Variants in NOSTRIN observed in about 807,000 individuals in gnomAD.
NOSTRIN encodes BM247 homolog.
In NOSTRIN, 63 loss-of-function variants were observed where a neutral mutation model predicts 59.0. The observed-to-expected ratio is 1.07, with a 90% CI of 0.87 to 1.32. The LOEUF (loss-of-function observed/expected upper bound fraction) is 1.32, where lower values mean the gene tolerates loss of function less well. Ranked by LOEUF, NOSTRIN falls within the 40% of genes most tolerant of loss-of-function variation. The pLI, the probability that NOSTRIN is intolerant of heterozygous loss-of-function variation, is 0.00. For synonymous variants in NOSTRIN, 200 were observed against 165.4 expected (o/e 1.21, Z -1.61); for missense variants, 512 against 473.1 (o/e 1.08, Z -0.76).
chr2:168,845,772 G>A, intron 8 of NOSTRIN, among the ~76,000 whole-genome samples: 1 of 139,626 alleles, frequency 7.2e-6, no homozygotes, highest in South Asian at 2.3e-4. Context: ...TTAAGACCTA[G>A]TTTTAGTTTT....
Position 168,851,315 on chromosome 2 carries a change from G to C in NOSTRIN, c.766G>C (p.Asp256His). ...TQIHCAISKIDIEKDIQAVME... is the reference protein window; with the variant it reads ...TQIHCAISKIHIEKDIQAVME... ...GATTCACTGTGCCATCAGCAAGATT[G>C]ACATTGAAAAAGATATCCAGGCTGT... is the stretch of plus-strand genomic sequence containing the variant. Residue 256 changes from aspartate (D) to histidine (H), a missense_variant, in exon 10 of 16, where the codon GAC (aspartate) becomes CAC (histidine). Physicochemically the swap from Asp to His is moderately conservative, Grantham distance 81. Coordinates refer to ENST00000317647, the MANE Select transcript of NOSTRIN (RefSeq NM_001039724.4). The C allele has an allele frequency of 6.2e-7, 1 of 1,613,608 alleles. No homozygotes were observed. Among genetic ancestry groups the C allele is most frequent in the Non-Finnish European group, 8.5e-7 (1 of 1,179,922 alleles).
intron 12 of NOSTRIN, among the ~76,000 whole-genome samples, chr2:168,857,363 G>C (rs1190560728): frequency 6.6e-6 from 1 of 152,160 alleles, no homozygotes; most frequent in Non-Finnish European, 1.5e-5. Flanking sequence ...GAAAGACGTG[G>C]TTGCAGAGGG....
upstream of NOSTRIN, among the ~76,000 whole-genome samples, chr2:168,793,979 C>G (rs1418688250): frequency 3.3e-5 from 5 of 152,192 alleles, no homozygotes; most frequent in African/African-American, 1.2e-4. Context: ...TTTGTAATTC[C>G]CATTACATTT....
At chr2:168,820,627 G>A (rs771566258) in intron 2 of NOSTRIN, among the ~76,000 whole-genome samples, 1 of 151,312 alleles carries the variant, frequency 6.6e-6, no homozygotes, top group Non-Finnish European at 1.5e-5. Flanking sequence ...CACAAGAAGT[G>A]CTGTGTGGTA....
intron 2 of NOSTRIN, among the ~76,000 whole-genome samples, chr2:168,812,706 A>G (rs868203156): frequency 3.3e-4 from 50 of 152,306 alleles, no homozygotes; most frequent in African/African-American, 1.2e-3. Context: ...ATATACGGGA[A>G]GAGTAAAGTC....
chr2:168,821,763 A>T (rs1412773194), intron 2 of NOSTRIN, among the ~76,000 whole-genome samples: 1 of 152,250 alleles, frequency 6.6e-6, no homozygotes, highest in East Asian at 1.9e-4. Flanking sequence ...CAGAGGCCAC[A>T]GCAAGTGCAA....
rs768525322 is a variant in NOSTRIN, at chr2:168,824,621, C to T, written c.114-13C>T. 9.5e-5 allele frequency: 83 copies of T among 871,016 alleles called. 1 individual carries two copies. The South Asian group carries it at 9.8e-4, about 10-fold the overall frequency. 54.0% of individuals were successfully genotyped at this position (871,016 alleles called of 1,614,324 possible). On this transcript the variant is annotated splice_polypyrimidine_tract_variant and intron_variant, in intron 2 of 15. Coordinates refer to ENST00000317647, the MANE Select transcript of NOSTRIN (RefSeq NM_001039724.4). ...GCCCAGTACATCCTATTTAACTAGT[C>T]CTTTTCTAACAGGGCAAACCTGGAA...
chr2:168,842,855 C>T, intron 7 of NOSTRIN, 137 bp from the exon 8 acceptor site: 4 of 640,026 alleles, frequency 6.2e-6, no homozygotes, highest in Non-Finnish European at 1.1e-5. Flanking sequence ...TTCATTTTGT[C>T]AACTATAGTC....
At chr2:168,818,331 AT>A (rs1198295950) in intron 2 of NOSTRIN, 9 of 273,316 alleles carry the variant, frequency 3.3e-5, no homozygotes, top group Non-Finnish European at 5.4e-5. Context: ...TTTTAAACAA[AT>A]TTTTTGTAGA....
chr2:168,831,398 A>G, intron 5 of NOSTRIN, 74 bp from the exon 6 acceptor site: 1 of 786,974 alleles, frequency 1.3e-6, no homozygotes, highest in Non-Finnish European at 2.3e-6. Context: ...TTTTAGGGGC[A>G]CGAACATTTA....
chr2:168,838,565 T>G (rs563058256), intron 7 of NOSTRIN, among the ~76,000 whole-genome samples: 24 of 151,886 alleles, frequency 1.6e-4, no homozygotes, highest in Non-Finnish European at 3.2e-4. Flanking sequence ...ATATCTTTGC[T>G]TTTGTCTATC....
In NOSTRIN at chr2:168,822,504, G is replaced by A. The variant is rs911804984; in HGVS notation, c.114-2130G>A. Among the ~76,000 whole-genome samples, 5 of 152,268 alleles carry A rather than the reference G, an allele frequency of 3.3e-5. 1 individual carries two copies. The South Asian group carries it at 1.0e-3, about 32-fold the overall frequency. The stretch of plus-strand genomic sequence containing the variant: ...ATTAGACTAGTTATTAGAGAGCTCT[G>A]CCCAAATGAAATAACATAATAAATA... On this transcript the variant is annotated intron_variant, in intron 2 of 15. Transcript: ENST00000317647.
chr2:168,829,313 TC>T (rs1687234543), intron 5 of NOSTRIN, among the ~76,000 whole-genome samples: 1 of 151,706 alleles, frequency 6.6e-6, no homozygotes, highest in African/African-American at 2.4e-5. Context: ...TCTTTTTTTT[TC>T]TCTCTCTCCC....
chr2:168,849,493 C>T (rs928359891), intron 8 of NOSTRIN, among the ~76,000 whole-genome samples: 1 of 151,588 alleles, frequency 6.6e-6, no homozygotes, highest in South Asian at 2.1e-4. Context: ...GTAGCTGGGA[C>T]GACAGGCGCC....
intron 15 of NOSTRIN, 71 bp from the exon 16 acceptor site, chr2:168,864,763 A>G: frequency 6.4e-7 from 1 of 1,566,586 alleles, no homozygotes; most frequent in East Asian, 2.2e-5. Flanking sequence ...ACCTCCTTAA[A>G]ACTCTTATCA....
Position 168,861,951 on chromosome 2 carries a change from C to CTAT in NOSTRIN, c.1295-7_1295-5dup. The CTAT allele has an allele frequency of 6.2e-7, 1 of 1,613,704 alleles. No homozygotes were observed. Among genetic ancestry groups the CTAT allele is most frequent in the Non-Finnish European group, 8.5e-7 (1 of 1,179,628 alleles). ...CACAGCATACTAATTACAGCTTTAT[C>CTAT]TATTTCAGCCCCTGGTGCAGCCCAG... On this transcript the variant is annotated splice_polypyrimidine_tract_variant and intron_variant, in intron 14 of 15. Transcript: ENST00000317647.
At chr2:168,860,513 A>G (rs2105790479) in intron 13 of NOSTRIN, among the ~76,000 whole-genome samples, 1 of 152,262 alleles carries the variant, frequency 6.6e-6, no homozygotes, top group East Asian at 1.9e-4. Context: ...TCTACTAAGA[A>G]TACAAAAATT....
chr2:168,827,342 G>A (rs900653004), intron 3 of NOSTRIN, among the ~76,000 whole-genome samples: 3 of 152,098 alleles, frequency 2.0e-5, no homozygotes, highest in African/African-American at 7.2e-5. Flanking sequence ...CTGCTCATGG[G>A]ACCATTAACT....
At chr2:168,823,634 G>T (rs1164998081) in intron 2 of NOSTRIN, among the ~76,000 whole-genome samples, 1 of 152,160 alleles carries the variant, frequency 6.6e-6, no homozygotes, top group East Asian at 1.9e-4. Flanking sequence ...GGCCCACCCT[G>T]ATGACCTCAT....
Sources: allele counts gnomAD v4.1 joint callset (sites outside exome capture counted in the v4.1 genomes callset), GRCh38; gene constraint gnomAD v4.1.1; transcripts MANE v1.5; gene names NCBI Gene and HGNC (gene_info 2026-07-23, HGNC 2026-07-21).